PLCG2: variants seen among roughly 807,000 people sequenced by gnomAD.
The protein encoded by PLCG2 is phospholipase C gamma 2, also known as 1-phosphatidylinositol 4,5-bisphosphate phosphodiesterase gamma-2.
In PLCG2, 69 loss-of-function variants were observed where a neutral mutation model predicts 175.6. The observed-to-expected ratio is 0.39, with a 90% CI of 0.32 to 0.48. The LOEUF is 0.48. Among genes scored for constraint, PLCG2 ranks in the 20% least tolerant of loss-of-function variants. PLCG2 has a pLI of 0.91. For synonymous variants in PLCG2, 827 were observed against 624.0 expected, an observed-to-expected ratio of 1.33 and a Z score of -4.85; for missense variants, 1,798 against 1,650.9, an observed-to-expected ratio of 1.09 and a Z score of -1.54.
intron 2 of PLCG2, among the ~76,000 whole-genome samples, chr16:81,797,660 A>T (rs1911531432): frequency 6.6e-6 from 1 of 152,146 alleles, no homozygotes; most frequent in East Asian, 1.9e-4. Context: ...TCAGCCTCGG[A>T]CTTCCGGTTT....
rs534395713 is a variant in PLCG2 at position 81,794,143 on chromosome 16, G to A, written c.193+7961G>A. 8.0e-4 allele frequency among the ~76,000 whole-genome samples: 122 copies of A among 152,266 alleles called. 2 individuals carry two copies. Among genetic ancestry groups the A allele is most frequent in the African/African-American group, 2.8e-3 (117 of 41,558 alleles). Reference sequence around the variant, plus strand: ...CTCAGTGCTCATCCTAGAGGCGCCGGATTTGTGGGGAGATGCTAGGAAAAG... The same window carrying A: ...CTCAGTGCTCATCCTAGAGGCGCCGAATTTGTGGGGAGATGCTAGGAAAAG... On this transcript the variant is annotated intron_variant, in intron 2 of 32. Coordinates refer to ENST00000564138, the MANE Select transcript of PLCG2 (RefSeq NM_002661.5).
At chr16:81,946,025 C>A in intron 30 of PLCG2, 150 bp from the exon 31 acceptor site, 1 of 666,412 alleles carries the variant, frequency 1.5e-6, no homozygotes, top group Non-Finnish European at 2.8e-6. Context: ...AGGATAGGAC[C>A]TCTGGCTTCC....
intron 2 of PLCG2, among the ~76,000 whole-genome samples, chr16:81,773,145 A>C (rs935070317): frequency 6.6e-6 from 1 of 152,184 alleles, no homozygotes; most frequent in Admixed American, 6.6e-5. Flanking sequence ...CCAATGAGAC[A>C]GAGGGAAAGC....
At chr16:81,762,268 A>G (rs1056772646) in intron 2 of PLCG2, among the ~76,000 whole-genome samples, 4 of 152,154 alleles carry the variant, frequency 2.6e-5, no homozygotes, top group Non-Finnish European at 5.9e-5. Context: ...TTAAAAAGAA[A>G]CTGTCAACTG....
chr16:81,877,805 A>G (rs562964954), intron 7 of PLCG2, among the ~76,000 whole-genome samples: 204 of 150,198 alleles, frequency 1.4e-3, no homozygotes, highest in Middle Eastern at 3.4e-3. Flanking sequence ...ATGTCATTGC[A>G]TCGCTCCTTG....
chr16:81,767,635 C>G (rs1246524564), intron 2 of PLCG2: 1 of 152,028 alleles, frequency 6.6e-6, no homozygotes, highest in Non-Finnish European at 1.5e-5. Context: ...TTTTGATATA[C>G]AGTTCTGAGG....
intron 10 of PLCG2, among the ~76,000 whole-genome samples, chr16:81,890,438 G>A (rs557108321): frequency 6.6e-6 from 1 of 152,320 alleles, no homozygotes; most frequent in African/African-American, 2.4e-5. Flanking sequence ...CTGTTTCACT[G>A]TCATAATTTT....
chr16:81,810,272 A>G (rs1904306123), intron 2 of PLCG2, among the ~76,000 whole-genome samples: 1 of 152,200 alleles, frequency 6.6e-6, no homozygotes, highest in Non-Finnish European at 1.5e-5. Context: ...GGTGTGAGCC[A>G]CCGTGCCCAG....
chr16:81,859,262 A>G (rs1356373138), intron 5 of PLCG2, 99 bp downstream of exon 5: 2 of 782,494 alleles, frequency 2.6e-6, no homozygotes, highest in Non-Finnish European at 4.5e-6. Context: ...GTCGGGAGCA[A>G]GGTCCTCACT....
intron 3 of PLCG2, chr16:81,858,053 A>C (rs2143486432): frequency 3.7e-6 from 2 of 545,962 alleles, no homozygotes; most frequent in East Asian, 5.7e-5. Flanking sequence ...CTGTGGTACA[A>C]AGCTCATCAT....
intron 2 of PLCG2, among the ~76,000 whole-genome samples, chr16:81,826,089 A>C (rs982521325): frequency 6.6e-6 from 1 of 152,194 alleles, no homozygotes; most frequent in East Asian, 1.9e-4. Flanking sequence ...AAAACAACGG[A>C]GATCTCTGCC....
intron 26 of PLCG2, chr16:81,935,583 G>A (rs1175346194): frequency 8.1e-6 from 8 of 985,100 alleles, no homozygotes; most frequent in Admixed American, 6.2e-5. Context: ...TTAACTTACC[G>A]GGAGGCCAGT....
At chr16:81,807,741 G>C (rs1393675587) in intron 2 of PLCG2, among the ~76,000 whole-genome samples, 1 of 152,164 alleles carries the variant, frequency 6.6e-6, no homozygotes, top group Non-Finnish European at 1.5e-5. Flanking sequence ...AGGTTTAATT[G>C]ACTCACAGTT....
intron 2 of PLCG2, among the ~76,000 whole-genome samples, chr16:81,817,258 A>T (rs1270487561): frequency 6.6e-6 from 1 of 152,224 alleles, no homozygotes; most frequent in African/African-American, 2.4e-5. Context: ...GTGGAGAAGG[A>T]CTATGCATCC....
chr16:81,950,045 A>G (rs545778939), intron 31 of PLCG2, among the ~76,000 whole-genome samples: 6 of 152,344 alleles, frequency 3.9e-5, no homozygotes, highest in African/African-American at 7.2e-5. Flanking sequence ...GGAGATCAAC[A>G]TAAACTTGAC....
intron 18 of PLCG2, among the ~76,000 whole-genome samples, chr16:81,912,247 T>C (rs9932181): frequency 0.013 from 1,974 of 152,062 alleles, 46 homozygotes; most frequent in African/African-American, 0.045. Flanking sequence ...TTATTTTTTA[T>C]AGAGATGGGG....
chr16:81,823,153 A>C (rs1904879404), intron 2 of PLCG2, among the ~76,000 whole-genome samples: 1 of 152,192 alleles, frequency 6.6e-6, no homozygotes, highest in Non-Finnish European at 1.5e-5. Context: ...ATGGCGCCTT[A>C]TGGTCATTTT....
chr16:81,778,032 C>CACACA (rs1910498575), upstream of PLCG2, among the ~76,000 whole-genome samples: 2 of 58,710 alleles, frequency 3.4e-5, no homozygotes, highest in African/African-American at 1.7e-4. Flanking sequence ...AAAAAAAAAA[C>CACACA]AAAAAAAAAA....
chr16:81,753,164 C>T (rs57863553), intron 1 of PLCG2, among the ~76,000 whole-genome samples: 2,591 of 152,212 alleles, frequency 0.017, 76 homozygotes, highest in African/African-American at 0.058. Context: ...CTCGGCCCTG[C>T]CTCTCCCCGC....
Sources: gnomAD v4.1 joint callset for allele counts (sites outside exome capture counted in the v4.1 genomes callset) on GRCh38, gnomAD v4.1.1 for gene constraint, MANE v1.5 for transcripts, NCBI Gene and HGNC (gene_info 2026-07-23, HGNC 2026-07-21) for gene names.